The following DCAF6 variants were observed in gnomAD, a reference collection of about 807,000 sequenced individuals.
DCAF6 encodes DDB1 and CUL4 associated factor 6.
Under a neutral mutation model 125.1 loss-of-function variants are expected in DCAF6, and 54 were observed. That is an observed-to-expected ratio of 0.43 (90% CI 0.35 to 0.54). The LOEUF is 0.54. DCAF6 is among the 20% of genes least tolerant of loss of function. DCAF6 has a pLI of 0.01. For missense variants in DCAF6, 934 were observed against 1,161.7 expected, an observed-to-expected ratio of 0.80 and a Z score of 2.85; for synonymous variants, 371 against 390.4, an observed-to-expected ratio of 0.95 and a Z score of 0.58.
intron 2 of DCAF6, among the ~76,000 whole-genome samples, chr1:167,960,998 T>G (rs36040455): frequency 2.0e-4 from 30 of 152,234 alleles, no homozygotes; most frequent in Non-Finnish European, 3.7e-4. Context: ...TTCATTTATT[T>G]AATTCTTTGA....
the DCAF6 span, among the ~76,000 whole-genome samples, chr1:167,898,853 T>C: frequency 6.6e-6 from 1 of 152,250 alleles, no homozygotes; most frequent in Non-Finnish European, 1.5e-5. Context: ...TTTCTTCCAC[T>C]TTCATACCCT....
intron 7 of DCAF6, among the ~76,000 whole-genome samples, chr1:168,000,756 A>G (rs555284603): frequency 6.6e-6 from 1 of 152,226 alleles, no homozygotes; most frequent in Non-Finnish European, 1.5e-5. Flanking sequence ...AAGGCCATGT[A>G]TTGTATGATT....
At chr1:167,980,750 A>G (rs539121774) in intron 4 of DCAF6, among the ~76,000 whole-genome samples, 3 of 151,930 alleles carry the variant, frequency 2.0e-5, no homozygotes, top group African/African-American at 7.2e-5. Flanking sequence ...CCTTTTTTAG[A>G]TACATGGTTC....
At chr1:168,035,060 G>A (rs1260168329) in intron 12 of DCAF6, among the ~76,000 whole-genome samples, 1 of 152,182 alleles carries the variant, frequency 6.6e-6, no homozygotes, top group African/African-American at 2.4e-5. Flanking sequence ...CTGATAGGTT[G>A]TATATGACCA....
chr1:167,903,120 G>T, the DCAF6 span, among the ~76,000 whole-genome samples: 1 of 151,680 alleles, frequency 6.6e-6, no homozygotes, highest in Non-Finnish European at 1.5e-5. Flanking sequence ...GCTGGGCATG[G>T]TGGCGCACGC....
At chr1:167,865,305 G>C in the DCAF6 span, among the ~76,000 whole-genome samples, 1 of 152,284 alleles carries the variant, frequency 6.6e-6, no homozygotes, top group South Asian at 2.1e-4. Flanking sequence ...AAAATTCTGT[G>C]TGTAAACTAA....
At chr1:167,936,668 CTG>C (rs1278214995), upstream of DCAF6, 5 of 453,036 alleles carry the variant, frequency 1.1e-5, no homozygotes, top group South Asian at 2.7e-5. Context: ...AGGGAGGAGA[CTG>C]TTGCTGATCT....
chr1:167,991,813 G>A (rs1397046250), intron 6 of DCAF6, among the ~76,000 whole-genome samples: 3 of 151,994 alleles, frequency 2.0e-5, no homozygotes, highest in African/African-American at 7.2e-5. Flanking sequence ...GTGTGTCTGC[G>A]TTTACATTTT....
At chr1:167,901,094 G>A in the DCAF6 span, among the ~76,000 whole-genome samples, 4 of 152,126 alleles carry the variant, frequency 2.6e-5, no homozygotes, top group Non-Finnish European at 5.9e-5. Flanking sequence ...TATAGTGTGC[G>A]TAATGTTTGC....
chr1:167,997,744 A>G (rs1326956145), intron 7 of DCAF6, among the ~76,000 whole-genome samples: 1 of 152,220 alleles, frequency 6.6e-6, no homozygotes, highest in Non-Finnish European at 1.5e-5. Flanking sequence ...GTGTCTGGTT[A>G]CAGTTTAGTA....
At chr1:167,947,691 G>A in intron 1 of DCAF6, among the ~76,000 whole-genome samples, 1 of 151,972 alleles carries the variant, frequency 6.6e-6, no homozygotes, top group East Asian at 1.9e-4. Context: ...TTTTCTCTTG[G>A]TATTGATTTC....
chr1:167,898,458 G>A, the DCAF6 span, among the ~76,000 whole-genome samples: 1 of 152,064 alleles, frequency 6.6e-6, no homozygotes, highest in Non-Finnish European at 1.5e-5. Context: ...AAATTAGCTG[G>A]GCGTGGTAGC....
intron 12 of DCAF6, among the ~76,000 whole-genome samples, chr1:168,035,944 C>G (rs917897002): frequency 6.6e-6 from 1 of 152,034 alleles, no homozygotes; most frequent in Non-Finnish European, 1.5e-5. Flanking sequence ...TGCCTATAAC[C>G]CCAGCTACTC....
chr1:167,877,650 A>G, the DCAF6 span, among the ~76,000 whole-genome samples: 1 of 152,186 alleles, frequency 6.6e-6, no homozygotes. Context: ...TAATTGTGAT[A>G]TAGGGCAAGG....
At position 168,015,313 on chromosome 1, in the gene DCAF6, TCTC is replaced by T. The variant is rs369582005; in HGVS notation, c.1379-467_1379-465del. On this transcript the variant is annotated intron_variant, in intron 10 of 21. Coordinates refer to ENST00000367840, the MANE Select transcript of DCAF6 (RefSeq NM_001198956.2). The stretch of plus-strand genomic sequence containing the variant: ...ATATAACTCACTTTTTTAGAGCTCT[TCTC>T]AATAAATTCTGAGTTGTTTCTAAAT... 5.6e-3 allele frequency among the ~76,000 whole-genome samples: 852 copies of T among 152,322 alleles called. 6 individuals are homozygous for T. The highest frequency in any genetic ancestry group is 0.019 in the African/African-American group (806 of 41,584).
chr1:167,891,512 C>T, the DCAF6 span, among the ~76,000 whole-genome samples: 3,998 of 151,602 alleles, frequency 0.026, 160 homozygotes, highest in African/African-American at 0.092. Flanking sequence ...AAAACGTAGC[C>T]GGGCGTGGTG....
At chr1:168,000,423 TAAA>T (rs1290569262) in intron 7 of DCAF6, among the ~76,000 whole-genome samples, 1 of 152,106 alleles carries the variant, frequency 6.6e-6, no homozygotes, top group Non-Finnish European at 1.5e-5. Flanking sequence ...ACTAAATTTG[TAAA>T]AAACCACAGT....
At chr1:167,992,282 C>CAA (rs201603473) in intron 6 of DCAF6, among the ~76,000 whole-genome samples, 1 of 121,652 alleles carries the variant, frequency 8.2e-6, no homozygotes, top group Middle Eastern at 3.8e-3. Context: ...CACACACACA[C>CAA]AAACACCGAA....
At chr1:167,931,286 C>T (rs1001550865), upstream of DCAF6, among the ~76,000 whole-genome samples, 3 of 152,258 alleles carry the variant, frequency 2.0e-5, no homozygotes, top group East Asian at 1.9e-4. Context: ...GGGTGGGTTT[C>T]GTTATTTTAT....
Sources: gnomAD v4.1 joint callset for allele counts (sites outside exome capture counted in the v4.1 genomes callset) on GRCh38, gnomAD v4.1.1 for gene constraint, MANE v1.5 for transcripts, NCBI Gene and HGNC (gene_info 2026-07-23, HGNC 2026-07-21) for gene names.